The following RPL11 variants were observed in gnomAD, a reference collection of about 807,000 sequenced individuals.
RPL11 encodes the protein large ribosomal subunit protein uL5.
Under a neutral mutation model 24.1 loss-of-function variants are expected in RPL11, and 3 were observed. That is an observed-to-expected ratio of 0.12 (90% CI 0.06 to 0.32). RPL11 has a LOEUF of 0.32. RPL11 is among the 10% of genes least tolerant of loss of function. The pLI is 1.00. For synonymous variants in RPL11, 96 were observed against 75.7 expected (o/e 1.27, Z -1.39); for missense variants, 146 against 225.7 (o/e 0.65, Z 2.26).
In RPL11 at chr1:23,696,432, T is replaced by C. The variant is rs1463583613; in HGVS notation, c.*59T>C. On this transcript the variant is annotated 3_prime_UTR_variant, in exon 6 of 6. Coordinates refer to ENST00000643754, the MANE Select transcript of RPL11 (RefSeq NM_000975.5). ...TTTTCAGTGAAATGTGCAATTCTGT[T>C]GTGTGTTCTGTGAAAGGATCCTGGC... 2 of 1,537,484 alleles carry C rather than the reference T, an allele frequency of 1.3e-6. No individual in the cohort carries two copies. Among genetic ancestry groups the C allele is most frequent in the Admixed American group, 3.4e-5 (2 of 59,588 alleles).
chr1:23,692,791 C>T lies in RPL11; in HGVS notation c.157+32C>T, dbSNP rs1189412818. 4 of 1,611,856 alleles carry T rather than the reference C, an allele frequency of 2.5e-6. No individual in the cohort carries two copies. In the African/African-American group the frequency reaches 4.0e-5, roughly 16 times the overall value. On this transcript the variant is annotated intron_variant, in intron 2 of 5. Transcript: ENST00000643754. ...AGTCACAAGGACATACAGGGTTTGC[C>T]TGCTTGGGTCGCTTGGTTGTTTCTT...
chr1:23,691,899 G>T, intron 1 of RPL11, 70 bp downstream of exon 1: 1 of 1,606,696 alleles, frequency 6.2e-7, no homozygotes, highest in Non-Finnish European at 8.5e-7. Context: ...GCCTGCGGGG[G>T]CTACTTCGCC....
In RPL11 at chr1:23,693,747, AAG is replaced by A. The variant is rs1644516139; in HGVS notation, c.158-57_158-56del. The A allele has an allele frequency of 9.0e-6, 10 of 1,110,398 alleles. No homozygotes were observed. In the East Asian group the frequency reaches 1.9e-4, roughly 21 times the overall value. The allele number at this position is 1,110,398 out of a possible 1,614,324, so 68.8% of individuals were successfully genotyped here. A position where few individuals can be genotyped will look rare whatever the true frequency, so the allele number is the denominator to read the frequency against. On this transcript the variant is annotated intron_variant, in intron 2 of 5. Coordinates refer to ENST00000643754, the MANE Select transcript of RPL11 (RefSeq NM_000975.5). ...AAGTCATGGAGATGGTGTTCTGGGA[AAG>A]AGGTGAGTGTAGTGGGGGTATGATG... is the stretch of plus-strand genomic sequence containing the variant.
chr1:23,692,342 C>T, intron 1 of RPL11: 3 of 474,862 alleles, frequency 6.3e-6, no homozygotes, highest in South Asian at 4.4e-5. Flanking sequence ...TACCCTGAGC[C>T]TCTTAGGGTT....
chr1:23,694,270 C>T (rs189187646), intron 3 of RPL11, among the ~76,000 whole-genome samples: 12 of 151,674 alleles, frequency 7.9e-5, no homozygotes, highest in East Asian at 5.8e-4. Context: ...CCCAGCTACT[C>T]GGGAAGCTGA....
chr1:23,692,654 C>G lies in RPL11; in HGVS notation c.52C>G (p.Arg18Gly). Residue 18 changes from arginine (R) to glycine (G), a missense_variant, in exon 2 of 6, where the codon CGC (arginine) becomes GGC (glycine). Arg to Gly is a moderately radical substitution (Grantham distance 125). Coordinates refer to ENST00000643754, the MANE Select transcript of RPL11 (RefSeq NM_000975.5). ...GAACCCCATGCGGGAACTTCGCATC[C>G]GCAAACTCTGTCTCAACATCTGTGT... ...KENPMRELRI[R>G]KLCLNICVGE... 4 of 1,614,142 alleles carry G rather than the reference C, an allele frequency of 2.5e-6. No homozygotes were observed. Among genetic ancestry groups the G allele is most frequent in the South Asian group, 2.2e-5 (2 of 91,086 alleles).
At chr1:23,695,571 G>T in intron 4 of RPL11, 1 of 580,340 alleles carries the variant, frequency 1.7e-6, no homozygotes, top group Non-Finnish European at 3.1e-6. Context: ...AAATAGGCTG[G>T]GTTAGGGGGG....
chr1:23,693,345 G>A (rs1644513057), intron 2 of RPL11, among the ~76,000 whole-genome samples: 1 of 152,180 alleles, frequency 6.6e-6, no homozygotes. Flanking sequence ...AGTGAAATAT[G>A]GCAAGTCTTT....
intron 2 of RPL11, 96 bp downstream of exon 2, chr1:23,692,855 C>A (rs554359765): frequency 6.7e-7 from 1 of 1,487,296 alleles, no homozygotes; most frequent in Non-Finnish European, 9.3e-7. Context: ...AAGTGACAGT[C>A]GGCATCACTT....
At chr1:23,692,288 C>A (rs150251180) in intron 1 of RPL11, 276 of 425,216 alleles carry the variant, frequency 6.5e-4, no homozygotes, top group African/African-American at 4.8e-3. Flanking sequence ...TCTGTTTCTT[C>A]GCTCACTCCC....
Position 23,696,544 on chromosome 1 carries a change from G to GGAAA in RPL11, c.*171_*172insGAAA. 1 of 685,548 alleles carries GGAAA rather than the reference G, an allele frequency of 1.5e-6. No homozygotes were observed. Among genetic ancestry groups the GGAAA allele is most frequent in the Non-Finnish European group, 2.6e-6 (1 of 381,602 alleles). 42.5% of individuals were successfully genotyped at this position (685,548 alleles called of 1,614,324 possible). On this transcript the variant is annotated 3_prime_UTR_variant, in exon 6 of 6. Coordinates refer to ENST00000643754, the MANE Select transcript of RPL11 (RefSeq NM_000975.5). ...CCCGTCATCCTCTGATTGGATGCCA[G>GGAAA]TATTTCCTGGCAGATCCAAGTCCAA...
chr1:23,696,665 G>C lies in RPL11; in HGVS notation c.*292G>C. ...GAGGGGAGGGTTTGGTTGATGTTGG[G>C]GTTTGAATTTAGAGCCTTGGTTAAG... On this transcript the variant is annotated 3_prime_UTR_variant, in exon 6 of 6. Transcript: ENST00000643754. 3.9e-6 allele frequency: 2 copies of C among 512,958 alleles called. No homozygotes were observed. Among genetic ancestry groups the C allele is most frequent in the South Asian group, 4.1e-5 (2 of 48,226 alleles). 31.8% of individuals were successfully genotyped at this position (512,958 alleles called of 1,614,324 possible). A position where few individuals can be genotyped will look rare whatever the true frequency, so the allele number is the denominator to read the frequency against.
rs762667446 is a variant in RPL11 at position 23,695,808 on chromosome 1, G to A, written c.407G>A (p.Arg136Lys). The A allele has an allele frequency of 7.5e-6, 12 of 1,590,722 alleles. No homozygotes were observed. The highest frequency in any genetic ancestry group is 4.3e-6 in the Non-Finnish European group (5 of 1,168,990). ...TTATTCCTGGGACAGGTGCTGGGTA[G>A]GCCAGGTTTCAGCATCGCAGACAAG... is the stretch of plus-strand genomic sequence containing the variant. Reference protein sequence around the residue: ...YGLDFYVVLGRPGFSIADKKR... With the variant: ...YGLDFYVVLGKPGFSIADKKR... Residue 136 changes from arginine (R) to lysine (K), a missense_variant, in exon 5 of 6, where the codon AGG becomes AAG. Coordinates refer to ENST00000643754, the MANE Select transcript of RPL11 (RefSeq NM_000975.5).
intron 2 of RPL11, among the ~76,000 whole-genome samples, chr1:23,693,504 A>C (rs1488518467): frequency 2.7e-4 from 41 of 152,236 alleles, no homozygotes; most frequent in Non-Finnish European, 1.0e-4. Context: ...TCTTTGGAAC[A>C]TGATAATCTT....
Position 23,694,656 on chromosome 1 carries a change from A to G in RPL11, c.265-4A>G. On this transcript the variant is annotated splice_region_variant and splice_polypyrimidine_tract_variant and intron_variant, in intron 3 of 5. Transcript: ENST00000643754. ...GAATGTTATTGCTGCATTTTTCTCC[A>G]CAGGTGCGGGAGTATGAGTTAAGAA... 1 of 1,613,928 alleles carries G rather than the reference A, an allele frequency of 6.2e-7. No individual in the cohort carries two copies. Among genetic ancestry groups the G allele is most frequent in the Non-Finnish European group, 8.5e-7 (1 of 1,179,876 alleles).
At position 23,693,399 on chromosome 1, in the gene RPL11, AGTTAATAAACCTCTCAAAACCT is replaced by A. The variant is rs1355295223; in HGVS notation, c.158-407_158-386del. ...TTGTTACCAGCTGTGATGTTTGGCA[AGTTAATAAACCTCTCAAAACCT>A]CACCTGTAAAATATGGATAACAGTA... On this transcript the variant is annotated intron_variant, in intron 2 of 5. Transcript: ENST00000643754. Among the ~76,000 whole-genome samples, 11 of 152,370 alleles carry A rather than the reference AGTTAATAAACCTCTCAAAACCT, an allele frequency of 7.2e-5. No homozygotes were observed. The East Asian group carries it at 7.7e-4, about 11-fold the overall frequency.
rs765383962 is a variant in RPL11, at chr1:23,692,779, T to TA, written c.157+21dup. On this transcript the variant is annotated intron_variant, in intron 2 of 5. Coordinates refer to ENST00000643754, the MANE Select transcript of RPL11 (RefSeq NM_000975.5). ...CCAAAGGTGAGTAGTCACAAGGACA[T>TA]ACAGGGTTTGCCTGCTTGGGTCGCT... is the stretch of plus-strand genomic sequence containing the variant. 4 of 1,612,550 alleles carry TA rather than the reference T, an allele frequency of 2.5e-6. No individual in the cohort carries two copies. The highest frequency in any genetic ancestry group is 1.1e-5 in the South Asian group (1 of 91,018).
At chr1:23,695,214 G>T in intron 4 of RPL11, 1 of 313,234 alleles carries the variant, frequency 3.2e-6, no homozygotes, top group Non-Finnish European at 6.2e-6. Context: ...CAGGAAGGGG[G>T]TTTTAACATA....
intron 2 of RPL11, among the ~76,000 whole-genome samples, chr1:23,693,103 C>T (rs1644511697): frequency 6.6e-6 from 1 of 152,098 alleles, no homozygotes. Flanking sequence ...AAGAACAGGG[C>T]TGTACGGGAG....
Sources: gnomAD v4.1 joint callset for allele counts (sites outside exome capture counted in the v4.1 genomes callset) on GRCh38, gnomAD v4.1.1 for gene constraint, MANE v1.5 for transcripts, NCBI Gene and HGNC (gene_info 2026-07-23, HGNC 2026-07-21) for gene names.